The following COL25A1 variants were observed in gnomAD, a reference collection of about 807,000 sequenced individuals.
COL25A1 encodes the protein collagen alpha-1(XXV) chain.
Under a neutral mutation model 128.4 loss-of-function variants are expected in COL25A1, and 103 were observed. The ratio of observed to expected loss-of-function variants is 0.80; its 90% CI spans 0.68 to 0.94. COL25A1 has a LOEUF of 0.94. COL25A1 is among the 40% of genes least tolerant of loss of function. The pLI, the probability that COL25A1 is intolerant of heterozygous loss-of-function variation, is 0.00. For synonymous variants in COL25A1, 279 were observed against 277.2 expected, an observed-to-expected ratio of 1.01 and a Z score of -0.06; for missense variants, 745 against 840.0, an observed-to-expected ratio of 0.89 and a Z score of 1.40.
intron 5 of COL25A1, among the ~76,000 whole-genome samples, chr4:109,043,293 G>A (rs1352655324): frequency 1.3e-5 from 2 of 152,062 alleles, no homozygotes; most frequent in Non-Finnish European, 2.9e-5. Flanking sequence ...AAAGGTATCA[G>A]AGGTTTTCAT....
chr4:109,301,878 A>C lies in COL25A1; in HGVS notation c.142T>G (p.Ser48Ala). 6.2e-7 allele frequency: 1 copy of C among 1,614,174 alleles called. No individual in the cohort carries two copies. The highest frequency in any genetic ancestry group is 1.1e-5 in the South Asian group (1 of 91,084). ...GTTTTCACACCCAGGTACAGGCAAG[A>C]CACCACGGCCACCACTGACAGGAGG... is the stretch of plus-strand genomic sequence containing the variant. The part of the protein sequence containing the change: ...AALLSVVAVV[S>A]CLYLGVKTND... The change falls in exon 2 of 38, where the codon TCT becomes GCT. Residue 48 changes from serine (S) to alanine (A), a missense_variant. Physicochemically the swap from Ser to Ala is moderately conservative, Grantham distance 99. This residue lies in a region of COL25A1 where 319 missense variants were observed against 324.9 expected (regional missense o/e 0.98). Coordinates refer to ENST00000399132, the MANE Select transcript of COL25A1 (RefSeq NM_198721.4).
intron 3 of COL25A1, among the ~76,000 whole-genome samples, chr4:109,081,371 C>T (rs1397641117): frequency 6.6e-6 from 1 of 152,110 alleles, no homozygotes; most frequent in Admixed American, 6.5e-5. Context: ...CAGTTGCTTT[C>T]ATTTTTTACA....
chr4:109,214,753 A>G (rs1366063972), intron 3 of COL25A1, among the ~76,000 whole-genome samples: 1 of 152,096 alleles, frequency 6.6e-6, no homozygotes, highest in African/African-American at 2.4e-5. Flanking sequence ...AAGAGATCAG[A>G]ACTGGTGATG....
chr4:109,120,139 A>G (rs1767987619), intron 3 of COL25A1, among the ~76,000 whole-genome samples: 1 of 152,106 alleles, frequency 6.6e-6, no homozygotes, highest in South Asian at 2.1e-4. Context: ...TCTACCGGAT[A>G]AAGAACATTG....
At chr4:108,974,262 T>C in intron 8 of COL25A1, 105 bp downstream of exon 8, 3 of 1,223,760 alleles carry the variant, frequency 2.5e-6, no homozygotes, top group Non-Finnish European at 3.6e-6. Flanking sequence ...CAGCCATTAC[T>C]GAACCATGTG....
At chr4:109,082,271 C>G (rs1433859716) in intron 3 of COL25A1, among the ~76,000 whole-genome samples, 2 of 152,184 alleles carry the variant, frequency 1.3e-5, no homozygotes, top group African/African-American at 4.8e-5. Context: ...ATGAACATTT[C>G]TGTACAAGTT....
intron 6 of COL25A1, among the ~76,000 whole-genome samples, chr4:109,001,403 T>TGAGATCCTGTCAGGTAGGCATCA (rs1755379003): frequency 6.6e-6 from 1 of 152,274 alleles, no homozygotes; most frequent in African/African-American, 2.4e-5. Flanking sequence ...GGTAGGCATC[T>TGAGATCCTGTCAGGTAGGCATCA]GAGATCCTGT....
Position 108,871,095 on chromosome 4 carries a change from TCAGCTGC to T in COL25A1, c.1021-1952_1021-1946del, listed in dbSNP as rs535807041. ...AACAAATAAATAGGGCTTTGCGATC[TCAGCTGC>T]CAGGTAAAACTGTTTTTTTCTTCCT... On this transcript the variant is annotated intron_variant, in intron 19 of 37. Coordinates refer to ENST00000399132, the MANE Select transcript of COL25A1 (RefSeq NM_198721.4). Among the ~76,000 whole-genome samples the T allele has an allele frequency of 5.9e-5, 9 of 152,332 alleles. No individual in the cohort carries two copies. In the East Asian group the frequency reaches 1.7e-3, roughly 29 times the overall value.
At chr4:108,892,253 G>C (rs966470206) in intron 16 of COL25A1, among the ~76,000 whole-genome samples, 8 of 152,026 alleles carry the variant, frequency 5.3e-5, no homozygotes, top group African/African-American at 1.9e-4. Context: ...ATTTCTACAG[G>C]GTAAGTTATA....
intron 6 of COL25A1, among the ~76,000 whole-genome samples, chr4:108,993,721 G>C (rs1331727804): frequency 1.3e-5 from 2 of 152,026 alleles, no homozygotes; most frequent in African/African-American, 4.8e-5. Flanking sequence ...TTAGCTGGGC[G>C]TGGTGGTAGG....
At position 108,809,257 on chromosome 4, in the gene COL25A1, G is replaced by C. The variant is rs1317853954; in HGVS notation, c.*4670C>G. The C allele has an allele frequency of 6.6e-6, 1 of 151,924 alleles. No individual in the cohort carries two copies. Among genetic ancestry groups the C allele is most frequent in the Non-Finnish European group, 1.5e-5 (1 of 67,940 alleles). 9.4% of individuals were successfully genotyped at this position (151,924 alleles called of 1,614,324 possible). A position where few individuals can be genotyped will look rare whatever the true frequency, so the allele number is the denominator to read the frequency against. The stretch of plus-strand genomic sequence containing the variant: ...GGCAATATAAAAATAGCTGCACATA[G>C]AGATGAACTTTAAAATGTAAAAAAT... On this transcript the variant is annotated 3_prime_UTR_variant, in exon 38 of 38. Coordinates refer to ENST00000399132, the MANE Select transcript of COL25A1 (RefSeq NM_198721.4).
intron 3 of COL25A1, among the ~76,000 whole-genome samples, chr4:109,101,110 C>A (rs1041696007): frequency 2.0e-5 from 3 of 151,942 alleles, no homozygotes; most frequent in African/African-American, 7.2e-5. Context: ...CAAAACTTCC[C>A]CTTTATAGTG....
At chr4:108,905,130 A>T (rs1187735903) in intron 13 of COL25A1, among the ~76,000 whole-genome samples, 4 of 152,112 alleles carry the variant, frequency 2.6e-5, no homozygotes, top group Admixed American at 1.3e-4. Flanking sequence ...TCCTTTCTGG[A>T]AATTGGAATG....
chr4:109,104,512 T>C (rs1375738824), intron 3 of COL25A1, among the ~76,000 whole-genome samples: 1 of 152,172 alleles, frequency 6.6e-6, no homozygotes, highest in Non-Finnish European at 1.5e-5. Context: ...AGACATGATG[T>C]ATCTCCTAAC....
At chr4:108,939,772 A>G (rs1747863802) in intron 10 of COL25A1, among the ~76,000 whole-genome samples, 1 of 152,142 alleles carries the variant, frequency 6.6e-6, no homozygotes, top group Non-Finnish European at 1.5e-5. Flanking sequence ...CATAAAATAA[A>G]TCTAAAATTT....
intron 3 of COL25A1, among the ~76,000 whole-genome samples, chr4:109,133,146 T>C (rs1476590892): frequency 6.6e-6 from 1 of 152,068 alleles, no homozygotes; most frequent in East Asian, 1.9e-4. Flanking sequence ...GGTTTTCAGA[T>C]AGAATATAAT....
At chr4:108,846,449 TA>T (rs1735116883) in intron 27 of COL25A1, among the ~76,000 whole-genome samples, 1 of 152,236 alleles carries the variant, frequency 6.6e-6, no homozygotes, top group Non-Finnish European at 1.5e-5. Flanking sequence ...CATGTAAGCA[TA>T]AAAAACATGA....
chr4:109,192,920 G>A (rs980186962), intron 3 of COL25A1, among the ~76,000 whole-genome samples: 3 of 151,970 alleles, frequency 2.0e-5, no homozygotes, highest in Non-Finnish European at 4.4e-5. Context: ...CTCATGTGAA[G>A]ACACAGAGAG....
intron 8 of COL25A1, among the ~76,000 whole-genome samples, chr4:108,971,855 T>C (rs755986495): frequency 6.6e-6 from 1 of 152,200 alleles, no homozygotes; most frequent in African/African-American, 2.4e-5. Flanking sequence ...ATTTGGTGGT[T>C]AGTAGAAGAG....
Sources: gnomAD v4.1 joint callset for allele counts (sites outside exome capture counted in the v4.1 genomes callset) on GRCh38, gnomAD v4.1.1 for gene constraint, gnomAD v4.1.1 regional missense constraint, MANE v1.5 for transcripts, NCBI Gene and HGNC (gene_info 2026-07-23, HGNC 2026-07-21) for gene names.